Variants in FHIT observed in about 807,000 individuals in gnomAD.
FHIT encodes the protein bis(5'-adenosyl)-triphosphatase.
A neutral mutation model predicts 17.9 loss-of-function variants in FHIT; 19 were observed. The observed-to-expected ratio is 1.06, with a 90% CI of 0.74 to 1.56. The LOEUF is 1.56. Among genes scored for constraint, FHIT ranks in the 40% most tolerant of loss-of-function variants. The probability of loss-of-function intolerance (pLI) is 0.00; values close to 1 mark genes in which losing one functional copy is unlikely to be tolerated. For missense variants in FHIT, 248 were observed against 189.2 expected (o/e 1.31, Z -1.82); for synonymous variants, 81 against 69.7 (o/e 1.16, Z -0.81).
At chr3:61,100,852 T>C (rs555234694) in intron 2 of FHIT, among the ~76,000 whole-genome samples, 1 of 152,366 alleles carries the variant, frequency 6.6e-6, no homozygotes, top group Non-Finnish European at 1.5e-5. Flanking sequence ...ACTGCATAGA[T>C]GTCTTCTTTT....
chr3:60,907,091 G>C (rs144929796), intron 3 of FHIT, among the ~76,000 whole-genome samples: 2 of 152,044 alleles, frequency 1.3e-5, no homozygotes, highest in East Asian at 1.9e-4. Flanking sequence ...TAGTTACCCA[G>C]TCTCAAAGTA....
At chr3:60,889,750 G>A (rs1705417197) in intron 3 of FHIT, among the ~76,000 whole-genome samples, 1 of 152,122 alleles carries the variant, frequency 6.6e-6, no homozygotes, top group African/African-American at 2.4e-5. Flanking sequence ...AAATAGGTAA[G>A]TAAATCAAAA....
At chr3:60,025,693 C>A (rs1212336707) in intron 5 of FHIT, among the ~76,000 whole-genome samples, 1 of 146,636 alleles carries the variant, frequency 6.8e-6, no homozygotes. Flanking sequence ...AAAGAATAAG[C>A]TAAATCATTT....
At chr3:60,134,296 T>C (rs190203186) in intron 5 of FHIT, among the ~76,000 whole-genome samples, 1 of 152,328 alleles carries the variant, frequency 6.6e-6, no homozygotes, top group African/African-American at 2.4e-5. Context: ...GTCTGTAACA[T>C]ACTTAGTCAC....
intron 8 of FHIT, among the ~76,000 whole-genome samples, chr3:59,862,473 C>T (rs1359789636): frequency 6.6e-6 from 1 of 152,200 alleles, no homozygotes; most frequent in African/African-American, 2.4e-5. Flanking sequence ...AATGACCATC[C>T]AGCAAGACTC....
At chr3:61,190,897 C>T (rs1018366481) in intron 2 of FHIT, among the ~76,000 whole-genome samples, 10 of 133,830 alleles carry the variant, frequency 7.5e-5, no homozygotes, top group Non-Finnish European at 1.4e-4. Flanking sequence ...CACATGGACA[C>T]AGGAAGGGGA....
chr3:60,625,311 G>A (rs145794631), intron 4 of FHIT, among the ~76,000 whole-genome samples: 1 of 152,266 alleles, frequency 6.6e-6, no homozygotes, highest in African/African-American at 2.4e-5. Flanking sequence ...ATCTACAGGT[G>A]GAATTGCTGA....
chr3:61,217,312 C>T (rs1320259081), intron 1 of FHIT, among the ~76,000 whole-genome samples: 2 of 152,158 alleles, frequency 1.3e-5, no homozygotes, highest in Admixed American at 1.3e-4. Context: ...CATCTGATAT[C>T]TCATGCCCTC....
intron 5 of FHIT, among the ~76,000 whole-genome samples, chr3:60,036,404 G>A (rs1345890209): frequency 3.3e-5 from 5 of 152,100 alleles, no homozygotes; most frequent in South Asian, 4.1e-4. Context: ...TTGGAATTCC[G>A]TGTTTCCCAT....
intron 4 of FHIT, among the ~76,000 whole-genome samples, chr3:60,788,048 G>A (rs1365270885): frequency 6.6e-6 from 1 of 152,188 alleles, no homozygotes; most frequent in African/African-American, 2.4e-5. Flanking sequence ...CATGACTTCA[G>A]TGTTAATGAA....
At chr3:60,210,202 G>A in intron 5 of FHIT, among the ~76,000 whole-genome samples, 1 of 152,150 alleles carries the variant, frequency 6.6e-6, no homozygotes, top group Non-Finnish European at 1.5e-5. Flanking sequence ...AATCACTGGG[G>A]AGAAGATGGA....
intron 3 of FHIT, among the ~76,000 whole-genome samples, chr3:60,882,921 A>T (rs6782953): frequency 0.21 from 31,546 of 152,128 alleles, 3,499 homozygotes; most frequent in Middle Eastern, 0.28. Context: ...GAAGAAGTCA[A>T]ATTGTCCCTG....
intron 8 of FHIT, among the ~76,000 whole-genome samples, chr3:59,866,620 G>T (rs544886035): frequency 2.5e-4 from 38 of 152,288 alleles, no homozygotes; most frequent in African/African-American, 9.1e-4. Flanking sequence ...CAAATTATCT[G>T]GATCTGGGAT....
intron 5 of FHIT, among the ~76,000 whole-genome samples, chr3:60,072,869 T>C (rs1198378685): frequency 6.6e-6 from 1 of 152,222 alleles, no homozygotes; most frequent in Non-Finnish European, 1.5e-5. Context: ...AGCTACAGCA[T>C]TCACTGTTTG....
chr3:60,153,796 C>T (rs140158719), intron 5 of FHIT, among the ~76,000 whole-genome samples: 3 of 152,230 alleles, frequency 2.0e-5, no homozygotes, highest in African/African-American at 7.2e-5. Context: ...TGGTGGAAAC[C>T]CCCTTCCCCA....
chr3:60,113,161 A>G (rs1167776072), intron 5 of FHIT, among the ~76,000 whole-genome samples: 1 of 152,100 alleles, frequency 6.6e-6, no homozygotes, highest in Admixed American at 6.5e-5. Context: ...TATCTTGCCA[A>G]TTTACTTATT....
chr3:61,003,126 G>A (rs925039298), intron 3 of FHIT, among the ~76,000 whole-genome samples: 1 of 152,252 alleles, frequency 6.6e-6, no homozygotes, highest in South Asian at 2.1e-4. Flanking sequence ...AGAATCTTAG[G>A]TTTTTATATA....
intron 5 of FHIT, among the ~76,000 whole-genome samples, chr3:60,219,494 T>C (rs1426624024): frequency 6.6e-6 from 1 of 152,144 alleles, no homozygotes; most frequent in African/African-American, 2.4e-5. Context: ...TCTGACATCC[T>C]CCTGATTAAA....
chr3:61,219,190 A>G (rs1256492497), intron 1 of FHIT, among the ~76,000 whole-genome samples: 1 of 152,204 alleles, frequency 6.6e-6, no homozygotes, highest in Non-Finnish European at 1.5e-5. Flanking sequence ...TAGTATTATA[A>G]TATTATGGAA....
Sources: gnomAD v4.1 joint callset for allele counts (sites outside exome capture counted in the v4.1 genomes callset) on GRCh38, gnomAD v4.1.1 for gene constraint, MANE v1.5 for transcripts, NCBI Gene and HGNC (gene_info 2026-07-23, HGNC 2026-07-21) for gene names.